Variants in LAMC3 observed in about 807,000 individuals in gnomAD.
The protein encoded by LAMC3 is laminin subunit gamma 3.
LAMC3 carries 128 observed loss-of-function variants against 173.8 expected under a neutral mutation model. The observed-to-expected ratio is 0.74, with a 90% CI of 0.64 to 0.85. The LOEUF is 0.85. Ranked by LOEUF, LAMC3 falls within the 40% of genes least tolerant of loss-of-function variation. LAMC3 has a pLI of 0.00. For synonymous variants in LAMC3, 897 were observed against 909.1 expected (o/e 0.99, Z 0.24); for missense variants, 2,022 against 2,156.0 (o/e 0.94, Z 1.23).
chr9:131,068,965 G>A lies in LAMC3; in HGVS notation c.2805G>A (p.Gln935=), dbSNP rs372019403. The A allele has an allele frequency of 2.8e-5, 45 of 1,613,978 alleles. 1 individual carries two copies. The South Asian group carries it at 4.4e-4, about 16-fold the overall frequency. The part of the protein sequence containing the change: ...QEDQCHPKTG[Q]CTCRPGVTGQ... ...ACCAGTGCCATCCCAAGACTGGACA[G>A]TGCACCTGCCGCCCAGGTGTCACAG... Residue 935 remains glutamine, a synonymous_variant, in exon 16 of 28, where the codon CAG becomes CAA. Transcript: ENST00000361069.
At chr9:131,090,341 G>T (rs1411590439) in intron 27 of LAMC3, among the ~76,000 whole-genome samples, 2 of 152,212 alleles carry the variant, frequency 1.3e-5, no homozygotes, top group East Asian at 3.8e-4. Context: ...GCACACGCCT[G>T]GCCCCTTCTC....
chr9:131,012,865 G>A (rs572674574), intron 1 of LAMC3, among the ~76,000 whole-genome samples: 3 of 152,340 alleles, frequency 2.0e-5, no homozygotes, highest in East Asian at 1.9e-4. Flanking sequence ...GGAGGTCGCC[G>A]CATTCCCAGC....
chr9:131,086,596 G>A (rs1278314598), intron 25 of LAMC3, among the ~76,000 whole-genome samples: 4 of 8,204 alleles, frequency 4.9e-4, no homozygotes, highest in Non-Finnish European at 1.1e-3. Flanking sequence ...TTGCAGAGAT[G>A]AGGAGTCTCG....
intron 13 of LAMC3, among the ~76,000 whole-genome samples, chr9:131,065,057 A>AG (rs1829905421): frequency 1.4e-5 from 2 of 142,200 alleles, no homozygotes; most frequent in South Asian, 2.4e-4. Context: ...AAAAAAAAAA[A>AG]AAGAAAAGGA....
chr9:131,088,470 C>T (rs1830367073), intron 27 of LAMC3, among the ~76,000 whole-genome samples: 1 of 152,152 alleles, frequency 6.6e-6, no homozygotes, highest in Non-Finnish European at 1.5e-5. Flanking sequence ...GGAATAGCAC[C>T]TCCCAAGGCA....
At chr9:131,032,499 TCTCA>T (rs1229207477) in intron 3 of LAMC3, among the ~76,000 whole-genome samples, 2 of 150,506 alleles carry the variant, frequency 1.3e-5, no homozygotes, top group Non-Finnish European at 3.0e-5. Context: ...TCTCGCTCTC[TCTCA>T]CTCGCTCTCT....
chr9:131,014,784 C>G (rs529269296), intron 1 of LAMC3, among the ~76,000 whole-genome samples: 1 of 152,202 alleles, frequency 6.6e-6, no homozygotes, highest in East Asian at 1.9e-4. Flanking sequence ...TCAGCCTGGA[C>G]AACAAAGTGA....
At position 131,079,147 on chromosome 9, in the gene LAMC3, A is replaced by G. The variant is rs948866661; in HGVS notation, c.3778-2A>G. On this transcript the variant is annotated splice_acceptor_variant, in intron 22 of 27. Transcript: ENST00000361069. LOFTEE classifies it high-confidence loss of function. ...CTGCCTGAGCGCATTGTCTCCCTGC[A>G]GCCTCAGAAGTCCCGGGCTGAAGAC... 1.2e-6 allele frequency: 2 copies of G among 1,612,940 alleles called. No homozygotes were observed. Among genetic ancestry groups the G allele is most frequent in the Non-Finnish European group, 1.7e-6 (2 of 1,179,576 alleles).
At chr9:131,054,804 G>A (rs905922612) in intron 11 of LAMC3, among the ~76,000 whole-genome samples, 1 of 133,458 alleles carries the variant, frequency 7.5e-6, no homozygotes, top group African/African-American at 3.1e-5. Flanking sequence ...GAGAGAGAGA[G>A]TGAGAGAGAG....
chr9:131,068,837 T>TGTGATCTGAGGCAACATCCA lies in LAMC3; in HGVS notation c.2748-70_2748-69insTGATCTGAGGCAACATCCAG. The TGTGATCTGAGGCAACATCCA allele has an allele frequency of 3.8e-6, 6 of 1,581,548 alleles. No individual in the cohort carries two copies. In the Admixed American group the frequency reaches 1.0e-4, roughly 27 times the overall value. On this transcript the variant is annotated intron_variant, in intron 15 of 27. Transcript: ENST00000361069. Reference sequence around the variant, plus strand: ...GCTGTGATCTGAGGCCCCAGCCAGCTGCAGCCGGCAGAGGCTGGGCCAGGA... The same window carrying TGTGATCTGAGGCAACATCCA: ...GCTGTGATCTGAGGCCCCAGCCAGCTGTGATCTGAGGCAACATCCAGCAGCCGGCAGAGGCTGGGCCAGGA...
At chr9:131,065,691 C>T (rs1411434036) in intron 13 of LAMC3, among the ~76,000 whole-genome samples, 3 of 152,146 alleles carry the variant, frequency 2.0e-5, no homozygotes, top group Non-Finnish European at 4.4e-5. Context: ...AACTGTGACC[C>T]GTGTCTGGCC....
At chr9:131,031,714 C>T (rs1010010001) in intron 2 of LAMC3, among the ~76,000 whole-genome samples, 10 of 152,192 alleles carry the variant, frequency 6.6e-5, no homozygotes, top group African/African-American at 1.2e-4. Flanking sequence ...ACCACGGGCC[C>T]GACCTCACAG....
At chr9:131,014,661 G>A (rs928737735) in intron 1 of LAMC3, among the ~76,000 whole-genome samples, 9 of 152,200 alleles carry the variant, frequency 5.9e-5, no homozygotes, top group African/African-American at 2.2e-4. Flanking sequence ...TTGGTCAGGC[G>A]AATGAATGGA....
chr9:131,085,686 G>T lies in LAMC3; in HGVS notation c.4193G>T (p.Gly1398Val). 1 of 1,614,202 alleles carries T rather than the reference G, an allele frequency of 6.2e-7. No individual in the cohort carries two copies. Among genetic ancestry groups the T allele is most frequent in the Non-Finnish European group, 8.5e-7 (1 of 1,180,040 alleles). Residue 1398 changes from glycine (G) to valine (V), a missense_variant, in exon 25 of 28, where the codon GGC (glycine) becomes GTC (valine). Gly to Val is a moderately radical substitution (Grantham distance 109). Coordinates refer to ENST00000361069, the MANE Select transcript of LAMC3 (RefSeq NM_006059.4). ...APLSSSAKKKGREAEVLAKDS... is the reference protein window; with the variant it reads ...APLSSSAKKKVREAEVLAKDS... Reference sequence around the variant, plus strand: ...CTTTCCTCCAGTGCCAAGAAGAAGGGCAGAGAAGCAGAGGTGTTGGCCAAG... The same window carrying T: ...CTTTCCTCCAGTGCCAAGAAGAAGGTCAGAGAAGCAGAGGTGTTGGCCAAG...
intron 1 of LAMC3, among the ~76,000 whole-genome samples, chr9:131,019,332 A>G (rs1402910546): frequency 6.6e-6 from 1 of 152,230 alleles, no homozygotes; most frequent in Non-Finnish European, 1.5e-5. Flanking sequence ...CCCTTGGGGC[A>G]GGTGCCATGA....
rs139518191 is a variant in LAMC3 at position 131,009,855 on chromosome 9, A to T, written c.373+268A>T. Among the ~76,000 whole-genome samples, 450 of 151,804 alleles carry T rather than the reference A, an allele frequency of 3.0e-3. No individual in the cohort carries two copies. The highest frequency in any genetic ancestry group is 5.1e-3 in the Non-Finnish European group (343 of 67,916). ...AACGTAGTGAGATCCCATCTTTACA[A>T]AAAATAAAGAAAAATAGGCCGGGCG... On this transcript the variant is annotated intron_variant, in intron 1 of 27. Coordinates refer to ENST00000361069, the MANE Select transcript of LAMC3 (RefSeq NM_006059.4). This position sits in a 1 kb window ranked among gnomAD's most constrained non-coding sequence, Gnocchi z 4.3.
At chr9:131,072,560 C>A (rs1401933573) in intron 18 of LAMC3, 70 bp from the exon 19 acceptor site, 1 of 1,362,066 alleles carries the variant, frequency 7.3e-7, no homozygotes, top group East Asian at 2.4e-5. Context: ...AGAAGGGGAC[C>A]CCTGGGGGTG....
chr9:131,082,702 T>C lies in LAMC3; in HGVS notation c.4030+541T>C, dbSNP rs540192938. Reference sequence around the variant, plus strand: ...TATTACGATTCTGCAAGTATCCACCTGTGTGATGGGCTTCTGTGATACCCA... The same window carrying C: ...TATTACGATTCTGCAAGTATCCACCCGTGTGATGGGCTTCTGTGATACCCA... On this transcript the variant is annotated intron_variant, in intron 24 of 27. Coordinates refer to ENST00000361069, the MANE Select transcript of LAMC3 (RefSeq NM_006059.4). 2.8e-4 allele frequency among the ~76,000 whole-genome samples: 42 copies of C among 152,382 alleles called. 1 individual carries two copies. In the South Asian group the frequency reaches 8.1e-3, roughly 29 times the overall value.
chr9:131,068,740 T>C (rs1394069570), intron 15 of LAMC3, among the ~76,000 whole-genome samples, 168 bp from the exon 16 acceptor site: 1 of 152,096 alleles, frequency 6.6e-6, no homozygotes, highest in Non-Finnish European at 1.5e-5. Flanking sequence ...CCTGGGAAAC[T>C]TGTGCTTTCC....
Sources: allele counts gnomAD v4.1 joint callset (sites outside exome capture counted in the v4.1 genomes callset), GRCh38; gene constraint gnomAD v4.1.1; non-coding constraint Gnocchi (gnomAD v3.1); transcripts MANE v1.5; gene names NCBI Gene and HGNC (gene_info 2026-07-23, HGNC 2026-07-21).